MAG: variants seen among roughly 807,000 people sequenced by gnomAD.
MAG encodes myelin associated glycoprotein.
Under a neutral mutation model 60.7 loss-of-function variants are expected in MAG, and 30 were observed. That is an observed-to-expected ratio of 0.49 (90% CI 0.37 to 0.67). The LOEUF (loss-of-function observed/expected upper bound fraction) is 0.67, where lower values mean the gene tolerates loss of function less well. MAG is among the 30% of genes least tolerant of loss of function. MAG has a pLI of 0.00. For missense variants in MAG, 795 were observed against 851.7 expected (o/e 0.93, Z 0.83); for synonymous variants, 384 against 376.8 (o/e 1.02, Z -0.22).
chr19:35,309,903 T>TGCGC lies in MAG; in HGVS notation c.1263_1266dup (p.Ala423ArgfsTer24). 1 of 1,612,970 alleles carries TGCGC rather than the reference T, an allele frequency of 6.2e-7. No homozygotes were observed. Among genetic ancestry groups the TGCGC allele is most frequent in the Non-Finnish European group, 8.5e-7 (1 of 1,179,796 alleles). ...CCCTGTGCTCCTCCTGGAGTCCCAC[T>TGCGC]GCGCGGCAGCCCGAGACACGGTGCA... On this transcript the variant is annotated frameshift_variant, in exon 8 of 11. Transcript: ENST00000392213. LOFTEE classifies it high-confidence loss of function.
At chr19:35,309,228 G>A (rs948257772) in intron 7 of MAG, among the ~76,000 whole-genome samples, 14 of 152,040 alleles carry the variant, frequency 9.2e-5, no homozygotes, top group Admixed American at 2.6e-4. Flanking sequence ...AAACCACCCC[G>A]AAATGAGGCC....
rs780589571 is a variant in MAG, at chr19:35,299,767, C to G, written c.629C>G (p.Ala210Gly). 1 of 1,550,668 alleles carries G rather than the reference C, an allele frequency of 6.4e-7. No individual in the cohort carries two copies. Among genetic ancestry groups the G allele is most frequent in the Non-Finnish European group, 8.7e-7 (1 of 1,151,724 alleles). The change falls in exon 5 of 11, where the codon GCC becomes GGC. Residue 210 changes from alanine to glycine, a missense_variant. Transcript: ENST00000392213. ...SLLHFVPTREANGHRLGCQAS... is the reference protein window; with the variant it reads ...SLLHFVPTREGNGHRLGCQAS... ...CTGCACTTCGTGCCCACGAGGGAGG[C>G]CAACGGCCACAGGCTGGGCTGCCAG...
At chr19:35,308,760 T>G (rs970460760) in intron 7 of MAG, among the ~76,000 whole-genome samples, 2 of 152,204 alleles carry the variant, frequency 1.3e-5, no homozygotes, top group African/African-American at 2.4e-5. Context: ...AGGGTGAATA[T>G]TCGTACTTTT....
chr19:35,307,190 A>C (rs1317497740), intron 7 of MAG, among the ~76,000 whole-genome samples: 2 of 152,252 alleles, frequency 1.3e-5, no homozygotes, highest in African/African-American at 4.8e-5. Context: ...GGTTAACGCT[A>C]TAGCAAGCAT....
At chr19:35,309,648 G>A (rs1599658292) in intron 7 of MAG, among the ~76,000 whole-genome samples, 2 of 152,284 alleles carry the variant, frequency 1.3e-5, no homozygotes, top group South Asian at 2.1e-4. Context: ...GGCCCCAGGC[G>A]TGGGTTAGTG....
At chr19:35,296,059 G>T in intron 4 of MAG, 78 bp downstream of exon 4, 2 of 1,500,662 alleles carry the variant, frequency 1.3e-6, no homozygotes, top group Non-Finnish European at 8.9e-7. Context: ...AGGCCTCCCC[G>T]CACCTTCCCC....
rs201521565 is a variant in MAG at position 35,294,268 on chromosome 19, G to A, written c.-46G>A. On this transcript the variant is annotated 5_prime_UTR_variant, in exon 2 of 11. Coordinates refer to ENST00000392213, the MANE Select transcript of MAG (RefSeq NM_002361.4). ...GCGGCTTCAGGTGGACCCAGAAGAC[G>A]TCCCCAACTCAGGGAGATTCAGGTG... The A allele has an allele frequency of 3.2e-5, 14 of 438,110 alleles. No homozygotes were observed. Among genetic ancestry groups the A allele is most frequent in the African/African-American group, 1.6e-4 (8 of 48,920 alleles). 27.1% of individuals were successfully genotyped at this position (438,110 alleles called of 1,614,324 possible).
intron 9 of MAG, 62 bp from the exon 10 acceptor site, chr19:35,311,856 T>C: frequency 8.0e-7 from 1 of 1,254,954 alleles, no homozygotes; most frequent in Non-Finnish European, 1.1e-6. Context: ...GCCAAACTCC[T>C]AAAACACGTG....
chr19:35,305,987 C>G (rs925516504), intron 7 of MAG, among the ~76,000 whole-genome samples: 1 of 103,416 alleles, frequency 9.7e-6, no homozygotes, highest in Non-Finnish European at 1.8e-5. Flanking sequence ...CAGAGCAAGA[C>G]TGTCCCACCC....
intron 4 of MAG, among the ~76,000 whole-genome samples, chr19:35,298,606 A>C (rs2066421090): frequency 6.6e-6 from 1 of 151,068 alleles, no homozygotes; most frequent in Admixed American, 6.6e-5. Flanking sequence ...ACATACATGC[A>C]CTACCCACAC....
Position 35,312,026 on chromosome 19 carries a change from C to G in MAG, c.1716+9C>G. 1 of 1,609,064 alleles carries G rather than the reference C, an allele frequency of 6.2e-7. No homozygotes were observed. Among genetic ancestry groups the G allele is most frequent in the African/African-American group, 1.3e-5 (1 of 74,830 alleles). On this transcript the variant is annotated intron_variant, in intron 10 of 10. Transcript: ENST00000392213. ...CACCAGAGAAGTACGAGGTAAGGAC[C>G]AGGCTCCAGGCTGGCCTGGGAACCT...
rs79783883 is a variant in MAG at position 35,301,996 on chromosome 19, C to T, written c.971-452C>T. Among the ~76,000 whole-genome samples the T allele has an allele frequency of 2.8e-3, 433 of 152,336 alleles. 12 individuals carry two copies. In the East Asian group the frequency reaches 0.055, roughly 19 times the overall value. On this transcript the variant is annotated intron_variant, in intron 6 of 10. Transcript: ENST00000392213. Reference sequence around the variant, plus strand: ...TGTAACTACCCTGATTTTCCATACCCTCAGCCCCTTTATTTTTCTCTACAC... The same window carrying T: ...TGTAACTACCCTGATTTTCCATACCTTCAGCCCCTTTATTTTTCTCTACAC...
At chr19:35,302,859 C>A in intron 7 of MAG, 151 bp downstream of exon 7, 1 of 910,406 alleles carries the variant, frequency 1.1e-6, no homozygotes, top group Non-Finnish European at 1.6e-6. Context: ...GAATTCACAG[C>A]AGGAAAATAA....
chr19:35,309,709 G>A (rs1355877257), intron 7 of MAG, 165 bp from the exon 8 acceptor site: 8 of 750,188 alleles, frequency 1.1e-5, no homozygotes, highest in South Asian at 8.6e-5. Context: ...AGGTCAAGGC[G>A]CTCTCAGTCA....
Position 35,295,275 on chromosome 19 carries a change from AAAT to A in MAG, c.-23-103_-23-101del, listed in dbSNP as rs1298550368. On this transcript the variant is annotated intron_variant, in intron 2 of 10. Transcript: ENST00000392213. The surrounding 1 kb of genome is among the most constrained non-coding windows in gnomAD (Gnocchi z 5.8). ...AAAATAAGTAAATAAATGCATAAAT[AAAT>A]AATAATAGCAGCAGCAGCTAACATA... 1.4e-5 allele frequency: 12 copies of A among 845,198 alleles called. No homozygotes were observed. Among genetic ancestry groups the A allele is most frequent in the Non-Finnish European group, 2.2e-5 (12 of 535,360 alleles). 52.4% of individuals were successfully genotyped at this position (845,198 alleles called of 1,614,324 possible). A position where few individuals can be genotyped will look rare whatever the true frequency, so the allele number is the denominator to read the frequency against.
chr19:35,300,959 C>A (rs1419505786), intron 6 of MAG, among the ~76,000 whole-genome samples: 2 of 152,206 alleles, frequency 1.3e-5, no homozygotes, highest in Non-Finnish European at 2.9e-5. Context: ...GTATCAAACT[C>A]TTGGGCTCAA....
rs1213254842 is a variant in MAG at position 35,295,969 on chromosome 19, C to T, written c.403C>T (p.Leu135=). ...GTACACCTTCTCAGAGCACAGCGTCCTGGATATCGTCAGTGAGTCCCCAGC... is the reference window on the plus strand; with the variant it reads ...GTACACCTTCTCAGAGCACAGCGTCTTGGATATCGTCAGTGAGTCCCCAGC... ...NQYTFSEHSV[L]DIVNTPNIVV... The change falls in exon 4 of 11, where the codon CTG becomes TTG. Residue 135 remains leucine, a synonymous_variant. Coordinates refer to ENST00000392213, the MANE Select transcript of MAG (RefSeq NM_002361.4). The surrounding 1 kb of genome is among the most constrained non-coding windows in gnomAD (Gnocchi z 5.8). The T allele has an allele frequency of 7.6e-6, 12 of 1,581,890 alleles. No homozygotes were observed. Among genetic ancestry groups the T allele is most frequent in the Non-Finnish European group, 1.0e-5 (12 of 1,162,166 alleles).
At chr19:35,298,574 C>T (rs1222437597) in intron 4 of MAG, among the ~76,000 whole-genome samples, 1 of 150,882 alleles carries the variant, frequency 6.6e-6, no homozygotes, top group Non-Finnish European at 1.5e-5. Flanking sequence ...ACCACACACA[C>T]TACACCCTAC....
intron 10 of MAG, chr19:35,312,400 G>T (rs1184362326): frequency 2.7e-5 from 36 of 1,345,420 alleles, no homozygotes; most frequent in Non-Finnish European, 3.5e-5. Flanking sequence ...ATGTCCGTGT[G>T]TCCCTGTCAG....
Sources: gnomAD v4.1 joint callset for allele counts (sites outside exome capture counted in the v4.1 genomes callset) on GRCh38, gnomAD v4.1.1 for gene constraint, Gnocchi (gnomAD v3.1) non-coding constraint, MANE v1.5 for transcripts, NCBI Gene and HGNC (gene_info 2026-07-23, HGNC 2026-07-21) for gene names.